Variants in ULK4 observed in about 807,000 individuals in gnomAD.
ULK4 encodes the protein unc-51 like kinase 4, also known as inactive serine/threonine-protein kinase ULK4.
ULK4 carries 133 observed loss-of-function variants against 160.6 expected under a neutral mutation model. That is an observed-to-expected ratio of 0.83 (90% confidence interval 0.72 to 0.96). The LOEUF (loss-of-function observed/expected upper bound fraction) is 0.96. Ranked by LOEUF, ULK4 falls within the 40% of genes least tolerant of loss-of-function variation. The pLI, the probability that ULK4 is intolerant of heterozygous loss-of-function variation, is 0.00. For missense variants in ULK4, 1,580 were observed against 1,499.5 expected, an observed-to-expected ratio of 1.05 and a Z score of -0.89; for synonymous variants, 534 against 539.8, an observed-to-expected ratio of 0.99 and a Z score of 0.15.
chr3:41,825,273 A>C (rs2041303956), intron 18 of ULK4, among the ~76,000 whole-genome samples: 1 of 152,240 alleles, frequency 6.6e-6, no homozygotes, highest in South Asian at 2.1e-4. Context: ...CTCCAAAGGA[A>C]TGCAGCTCCT....
chr3:41,569,099 G>A (rs1337235957), intron 31 of ULK4, among the ~76,000 whole-genome samples: 2 of 152,152 alleles, frequency 1.3e-5, no homozygotes, highest in African/African-American at 4.8e-5. Context: ...GTCTTCCCCG[G>A]GCACACCACC....
In ULK4 at chr3:41,907,966, T is replaced by C. The variant is rs1332528551; in HGVS notation, c.1086-25A>G. The C allele has an allele frequency of 3.3e-6, 5 of 1,527,666 alleles. No homozygotes were observed. In the Admixed American group the frequency reaches 5.8e-5, roughly 18 times the overall value. The allele number at this position is 1,527,666 out of a possible 1,614,324, so 94.6% of individuals were successfully genotyped here. A position where few individuals can be genotyped will look rare whatever the true frequency, so the allele number is the denominator to read the frequency against. ...ACTGAAAAATACAAACCAGTTAACA[T>C]TATTCAATTCCAGACAGTTTATTCT... On this transcript the variant is annotated intron_variant, in intron 11 of 36. Coordinates refer to ENST00000301831, the MANE Select transcript of ULK4 (RefSeq NM_017886.4).
intron 32 of ULK4, among the ~76,000 whole-genome samples, chr3:41,484,557 A>G (rs2084445215): frequency 6.6e-6 from 1 of 150,548 alleles, no homozygotes; most frequent in Admixed American, 6.7e-5. Context: ...GGTTCACGCC[A>G]TTCTACTGCC....
chr3:41,579,781 C>T (rs1200731148), intron 31 of ULK4, among the ~76,000 whole-genome samples: 2 of 152,108 alleles, frequency 1.3e-5, no homozygotes, highest in African/African-American at 2.4e-5. Flanking sequence ...CGTGAGCCAC[C>T]GCGCCCGGCC....
intron 35 of ULK4, among the ~76,000 whole-genome samples, chr3:41,253,372 T>TG: frequency 6.6e-6 from 1 of 151,850 alleles, no homozygotes; most frequent in East Asian, 1.9e-4. Flanking sequence ...CATAATAAGA[T>TG]GGGGGAGAGC....
chr3:41,514,559 A>G (rs1262516478), intron 32 of ULK4, among the ~76,000 whole-genome samples: 2 of 152,230 alleles, frequency 1.3e-5, no homozygotes, highest in African/African-American at 4.8e-5. Context: ...ATAAATGGAT[A>G]AAGAAAATGT....
At chr3:41,440,088 T>C (rs765699368) in intron 34 of ULK4, among the ~76,000 whole-genome samples, 6 of 152,212 alleles carry the variant, frequency 3.9e-5, no homozygotes, top group Non-Finnish European at 7.4e-5. Flanking sequence ...TAATTTCTAG[T>C]AGCTTTTTGT....
chr3:41,814,198 A>G (rs1222123233), intron 19 of ULK4, among the ~76,000 whole-genome samples: 2 of 152,224 alleles, frequency 1.3e-5, no homozygotes, highest in African/African-American at 2.4e-5. Flanking sequence ...GTATCTTTCA[A>G]GGATTTATAT....
chr3:41,653,496 C>A (rs1279486284), intron 30 of ULK4, among the ~76,000 whole-genome samples: 1 of 152,128 alleles, frequency 6.6e-6, no homozygotes, highest in Non-Finnish European at 1.5e-5. Context: ...ACTGGCCTCA[C>A]CATACCTGAA....
intron 17 of ULK4, among the ~76,000 whole-genome samples, chr3:41,840,510 C>T (rs537987810): frequency 2.6e-5 from 4 of 152,316 alleles, no homozygotes; most frequent in South Asian, 2.1e-4. Context: ...CGAGTGCCTG[C>T]GATTGCAGGC....
chr3:41,619,345 T>G (rs1373279598), intron 30 of ULK4, among the ~76,000 whole-genome samples: 1 of 152,130 alleles, frequency 6.6e-6, no homozygotes, highest in Non-Finnish European at 1.5e-5. Context: ...CCACATAGCA[T>G]GTATTTTAAA....
At chr3:41,639,145 G>A (rs1172288938) in intron 30 of ULK4, among the ~76,000 whole-genome samples, 2 of 152,162 alleles carry the variant, frequency 1.3e-5, no homozygotes, top group Non-Finnish European at 1.5e-5. Flanking sequence ...GATACGATCG[G>A]CTGATGGTTT....
chr3:41,374,254 A>G (rs2081431267), intron 35 of ULK4, among the ~76,000 whole-genome samples: 1 of 152,226 alleles, frequency 6.6e-6, no homozygotes, highest in Non-Finnish European at 1.5e-5. Context: ...TCCAAACAAC[A>G]GAAAAAGAGG....
chr3:41,582,149 G>A (rs2030403443), intron 31 of ULK4, among the ~76,000 whole-genome samples: 1 of 152,138 alleles, frequency 6.6e-6, no homozygotes, highest in South Asian at 2.1e-4. Flanking sequence ...TCATAGTAGT[G>A]AATATGTCTC....
Position 41,602,309 on chromosome 3 carries a change from AGGAAAGGAAAGGAGGAAG to A in ULK4, c.3120+13342_3120+13359del, listed in dbSNP as rs1559425610. On this transcript the variant is annotated intron_variant, in intron 31 of 36. Transcript: ENST00000301831. ...AGGAAAGGAAAGGAAAGGAAAGGAA[AGGAAAGGAAAGGAGGAAG>A]GGAAAGGAAAGGAGGAAGGGAAAGG... 2.4e-4 allele frequency among the ~76,000 whole-genome samples: 28 copies of A among 116,862 alleles called. 1 individual carries two copies. In the South Asian group the frequency reaches 3.1e-3, roughly 13 times the overall value. The allele number at this position is 116,862 out of a possible 152,430, so 76.7% of individuals were successfully genotyped here.
At chr3:41,773,746 A>C (rs1045739443) in intron 21 of ULK4, among the ~76,000 whole-genome samples, 1 of 152,194 alleles carries the variant, frequency 6.6e-6, no homozygotes, top group Non-Finnish European at 1.5e-5. Flanking sequence ...GGAACCAAAA[A>C]AGAGCCGGCA....
At chr3:41,414,335 T>G (rs1340762287) in intron 34 of ULK4, among the ~76,000 whole-genome samples, 2 of 152,232 alleles carry the variant, frequency 1.3e-5, no homozygotes, top group East Asian at 3.9e-4. Flanking sequence ...GATATATAAG[T>G]GAATACACAC....
At chr3:41,785,562 T>C (rs1365085455) in intron 21 of ULK4, among the ~76,000 whole-genome samples, 1 of 152,174 alleles carries the variant, frequency 6.6e-6, no homozygotes, top group Non-Finnish European at 1.5e-5. Context: ...AAGACCATAA[T>C]ATATGAGCGT....
chr3:41,333,646 C>A (rs775738969), intron 35 of ULK4, among the ~76,000 whole-genome samples: 3 of 152,110 alleles, frequency 2.0e-5, no homozygotes, highest in Non-Finnish European at 2.9e-5. Context: ...TTCTTTTATT[C>A]TTTTGTGATC....
Sources: gnomAD v4.1 joint callset for allele counts (sites outside exome capture counted in the v4.1 genomes callset) on GRCh38, gnomAD v4.1.1 for gene constraint, MANE v1.5 for transcripts, NCBI Gene and HGNC (gene_info 2026-07-23, HGNC 2026-07-21) for gene names.